DAAM2: variants seen among roughly 807,000 people sequenced by gnomAD.
The protein encoded by DAAM2 is dishevelled associated activator of morphogenesis 2.
A neutral mutation model predicts 120.7 loss-of-function variants in DAAM2; 39 were observed. The observed-to-expected ratio is 0.32, with a 90% CI of 0.25 to 0.42. DAAM2 has a LOEUF of 0.42. Ranked by LOEUF, DAAM2 falls within the 10% of genes least tolerant of loss-of-function variation. The pLI is 1.00. For missense variants in DAAM2, 1,283 were observed against 1,401.7 expected (o/e 0.92, Z 1.35); for synonymous variants, 488 against 524.9 (o/e 0.93, Z 0.96).
chr6:39,793,425 T>A (rs1761607650), intron 1 of DAAM2, among the ~76,000 whole-genome samples: 1 of 151,898 alleles, frequency 6.6e-6, no homozygotes, highest in African/African-American at 2.4e-5. Context: ...TGCTGAGATC[T>A]GGGCTTGATT....
Position 39,903,221 on chromosome 6 carries a change from C to T in DAAM2, c.*1184C>T, listed in dbSNP as rs1025689971. The T allele has an allele frequency of 5.9e-5, 9 of 152,384 alleles. No individual in the cohort carries two copies. The highest frequency in any genetic ancestry group is 1.9e-4 in the African/African-American group (8 of 41,450). 9.4% of individuals were successfully genotyped at this position (152,384 alleles called of 1,614,324 possible). A position where few individuals can be genotyped will look rare whatever the true frequency, so the allele number is the denominator to read the frequency against. ...TCTAAGGGTGGCCCCTCCTCTCAGGCGTTCAGATGGTGCGAACAGCAGAGC... is the reference window on the plus strand; with the variant it reads ...TCTAAGGGTGGCCCCTCCTCTCAGGTGTTCAGATGGTGCGAACAGCAGAGC... On this transcript the variant is annotated 3_prime_UTR_variant, in exon 25 of 25. Transcript: ENST00000274867.
rs1234114063 is a variant in DAAM2, at chr6:39,896,816, C to G, written c.2346C>G (p.Ile782Met). ...LAEAKPKVEA[I>M]LLASRELVRS... ...GACCTGTGCCTCCTCTCCCAGCCATCCTGTTGGCCTCCCGGGAGCTGGTCC... is the reference window on the plus strand; with the variant it reads ...GACCTGTGCCTCCTCTCCCAGCCATGCTGTTGGCCTCCCGGGAGCTGGTCC... Residue 782 changes from isoleucine (I) to methionine (M), a missense_variant, in exon 20 of 25, where the codon ATC becomes ATG. Ile to Met is a conservative substitution (Grantham distance 10). Coordinates refer to ENST00000274867, the MANE Select transcript of DAAM2 (RefSeq NM_001201427.2). The G allele has an allele frequency of 1.3e-6, 2 of 1,592,338 alleles. No homozygotes were observed. Among genetic ancestry groups the G allele is most frequent in the South Asian group, 2.3e-5 (2 of 87,838 alleles).
At chr6:39,872,327 CAGAG>C (rs1764695217) in intron 9 of DAAM2, among the ~76,000 whole-genome samples, 1 of 152,168 alleles carries the variant, frequency 6.6e-6, no homozygotes, top group Non-Finnish European at 1.5e-5. Flanking sequence ...ATCTCACTTC[CAGAG>C]CCTTGGTAGT....
At chr6:39,830,662 G>C (rs1390652205) in intron 1 of DAAM2, among the ~76,000 whole-genome samples, 1 of 152,170 alleles carries the variant, frequency 6.6e-6, no homozygotes, top group Non-Finnish European at 1.5e-5. Context: ...GTGGGACCCA[G>C]GCCTGCGGAG....
At chr6:39,793,034 G>T (rs1761593631) in intron 1 of DAAM2, 1 of 152,336 alleles carries the variant, frequency 6.6e-6, no homozygotes, top group South Asian at 2.1e-4. Flanking sequence ...GGGGTCCCCG[G>T]ACTCTGGGGC....
chr6:39,825,897 A>G (rs960802697), intron 1 of DAAM2, among the ~76,000 whole-genome samples: 7 of 152,208 alleles, frequency 4.6e-5, no homozygotes, highest in Non-Finnish European at 1.0e-4. Context: ...GTCCTGCTCT[A>G]TCATTGCTAA....
At chr6:39,829,548 G>A (rs1468472421) in intron 1 of DAAM2, among the ~76,000 whole-genome samples, 1 of 152,126 alleles carries the variant, frequency 6.6e-6, no homozygotes, top group Admixed American at 6.6e-5. Flanking sequence ...AGCCTGTGAG[G>A]GTTCTTACAC....
intron 1 of DAAM2, chr6:39,792,997 G>A (rs1282852997): frequency 6.6e-6 from 1 of 152,416 alleles, no homozygotes; most frequent in African/African-American, 2.4e-5. Context: ...GTGGGACCCT[G>A]GGCGGGGGAA....
intron 1 of DAAM2, among the ~76,000 whole-genome samples, chr6:39,813,055 A>G (rs1762208532): frequency 6.6e-6 from 1 of 152,014 alleles, no homozygotes; most frequent in Non-Finnish European, 1.5e-5. Flanking sequence ...CCCCTCACAA[A>G]CCACAACCGG....
chr6:39,874,905 A>G (rs1463045773), intron 10 of DAAM2, among the ~76,000 whole-genome samples: 1 of 152,198 alleles, frequency 6.6e-6, no homozygotes, highest in Non-Finnish European at 1.5e-5. Flanking sequence ...GTAGAGTAAT[A>G]ATGTGGATAA....
intron 14 of DAAM2, among the ~76,000 whole-genome samples, chr6:39,880,895 G>A (rs1246968277): frequency 2.0e-5 from 3 of 152,178 alleles, no homozygotes; most frequent in Non-Finnish European, 4.4e-5. Flanking sequence ...TGGCCATGAG[G>A]TGAGCCAGAA....
intron 1 of DAAM2, among the ~76,000 whole-genome samples, chr6:39,805,730 A>G (rs1219537238): frequency 6.6e-6 from 1 of 151,742 alleles, no homozygotes; most frequent in Non-Finnish European, 1.5e-5. Flanking sequence ...AATTTTTTGT[A>G]TTTTAGTAGA....
At chr6:39,835,730 G>A (rs920791761) in intron 1 of DAAM2, among the ~76,000 whole-genome samples, 10 of 152,218 alleles carry the variant, frequency 6.6e-5, no homozygotes, top group Non-Finnish European at 1.2e-4. Flanking sequence ...CGAAGATGCC[G>A]AGAGGACTCT....
In DAAM2 at chr6:39,897,239, A is replaced by T; in HGVS notation, c.2575A>T (p.Met859Leu). ...LEKHFPDILNMPSELQHLPEA... is the reference protein window; with the variant it reads ...LEKHFPDILNLPSELQHLPEA... ...GAAGCATTTTCCTGATATTCTAAAC[A>T]TGCCTTCAGAGCTGCAACATCTTCC... The change falls in exon 21 of 25, where the codon ATG becomes TTG. Residue 859 changes from methionine to leucine, a missense_variant. Met to Leu is a conservative substitution (Grantham distance 15). Coordinates refer to ENST00000274867, the MANE Select transcript of DAAM2 (RefSeq NM_001201427.2). 6.2e-7 allele frequency: 1 copy of T among 1,613,482 alleles called. No individual in the cohort carries two copies. The highest frequency in any genetic ancestry group is 8.5e-7 in the Non-Finnish European group (1 of 1,179,482).
chr6:39,877,356 A>C (rs1020829550), intron 11 of DAAM2, among the ~76,000 whole-genome samples: 1 of 151,588 alleles, frequency 6.6e-6, no homozygotes, highest in Non-Finnish European at 1.5e-5. Flanking sequence ...AGTCTACCCT[A>C]CCTCCCTCCC....
chr6:39,904,837 T>TA lies in DAAM2; in HGVS notation c.*2806dup. 1 of 454,082 alleles carries TA rather than the reference T, an allele frequency of 2.2e-6. No homozygotes were observed. Among genetic ancestry groups the TA allele is most frequent in the Non-Finnish European group, 4.4e-6 (1 of 226,798 alleles). 28.1% of individuals were successfully genotyped at this position (454,082 alleles called of 1,614,324 possible). ...TTTTTATAAGAATATATTGTAATACTAAAAAATATTAAATTCATACCATCC... is the reference window on the plus strand; with the variant it reads ...TTTTTATAAGAATATATTGTAATACTAAAAAAATATTAAATTCATACCATCC... On this transcript the variant is annotated 3_prime_UTR_variant, in exon 25 of 25. Transcript: ENST00000274867.
chr6:39,896,105 A>G (rs1766069963), intron 19 of DAAM2, among the ~76,000 whole-genome samples: 2 of 152,234 alleles, frequency 1.3e-5, no homozygotes, highest in African/African-American at 4.8e-5. Flanking sequence ...ATCCCATAAT[A>G]GGTAAAATGC....
Position 39,860,930 on chromosome 6 carries a change from T to C in DAAM2, c.171T>C (p.Asp57=), listed in dbSNP as rs1298140369. The change falls in exon 3 of 25, where the codon GAT becomes GAC. Residue 57 remains aspartate, a splice_region_variant and synonymous_variant. Transcript: ENST00000274867. The part of the protein sequence containing the change: ...ELNIRFAELV[D]ELDLTDKNRE... Reference sequence around the variant, plus strand: ...ATTTTTTCTTATTGTCTTTGCAGGATGAATTGGATCTCACTGACAAAAACC... The same window carrying C: ...ATTTTTTCTTATTGTCTTTGCAGGACGAATTGGATCTCACTGACAAAAACC... 4 of 1,612,256 alleles carry C rather than the reference T, an allele frequency of 2.5e-6. No individual in the cohort carries two copies. Among genetic ancestry groups the C allele is most frequent in the Admixed American group, 3.3e-5 (2 of 59,904 alleles).
intron 1 of DAAM2, among the ~76,000 whole-genome samples, chr6:39,801,542 C>G (rs1373017426): frequency 6.6e-6 from 1 of 152,214 alleles, no homozygotes; most frequent in African/African-American, 2.4e-5. Flanking sequence ...CCACTGGGAG[C>G]CGCCATCCTG....
Sources: allele counts gnomAD v4.1 joint callset (sites outside exome capture counted in the v4.1 genomes callset), GRCh38; gene constraint gnomAD v4.1.1; transcripts MANE v1.5; gene names NCBI Gene and HGNC (gene_info 2026-07-23, HGNC 2026-07-21).